The following NDST3 variants were observed in gnomAD, a reference collection of about 807,000 sequenced individuals.
The protein encoded by NDST3 is N-deacetylase and N-sulfotransferase 3.
In NDST3, 58 loss-of-function variants were observed where a neutral mutation model predicts 96.1. The observed-to-expected ratio is 0.60, with a 90% CI of 0.49 to 0.75. NDST3 has a LOEUF of 0.75. Ranked by LOEUF, NDST3 falls within the 30% of genes least tolerant of loss-of-function variation. NDST3 has a pLI of 0.00. For missense variants in NDST3, 788 were observed against 1,034.2 expected, an observed-to-expected ratio of 0.76 and a Z score of 3.27; for synonymous variants, 333 against 359.7, an observed-to-expected ratio of 0.93 and a Z score of 0.84.
intron 6 of NDST3, among the ~76,000 whole-genome samples, chr4:118,169,224 T>C (rs2125934988): frequency 6.6e-6 from 1 of 152,276 alleles, no homozygotes; most frequent in African/African-American, 2.4e-5. Flanking sequence ...CACTGATATA[T>C]TCTATAAAAC....
intron 6 of NDST3, among the ~76,000 whole-genome samples, chr4:118,160,130 C>T (rs187019427): frequency 1.2e-4 from 18 of 152,020 alleles, no homozygotes; most frequent in Non-Finnish European, 2.4e-4. Flanking sequence ...AATAAAAATG[C>T]CAAAATTCAA....
At chr4:118,048,344 A>G (rs1040091467) in intron 1 of NDST3, among the ~76,000 whole-genome samples, 1 of 152,160 alleles carries the variant, frequency 6.6e-6, no homozygotes, top group African/African-American at 2.4e-5. Context: ...ACCAGCTAAC[A>G]ACATGATGAC....
chr4:118,197,158 C>T (rs970910785), intron 6 of NDST3, among the ~76,000 whole-genome samples: 1 of 151,408 alleles, frequency 6.6e-6, no homozygotes, highest in Non-Finnish European at 1.5e-5. Flanking sequence ...TTCAAAATTC[C>T]TCTTGTTATT....
At chr4:118,148,297 C>T (rs1211024450) in intron 6 of NDST3, among the ~76,000 whole-genome samples, 1 of 151,694 alleles carries the variant, frequency 6.6e-6, no homozygotes, top group East Asian at 1.9e-4. Context: ...GACTCTGTCT[C>T]AAAAAAAATG....
chr4:118,249,886 T>C (rs552301436), intron 12 of NDST3, among the ~76,000 whole-genome samples: 8 of 152,266 alleles, frequency 5.3e-5, no homozygotes, highest in Non-Finnish European at 1.0e-4. Context: ...AATCAAGATA[T>C]AGAACAAAAA....
At chr4:118,168,578 A>C (rs905387417) in intron 6 of NDST3, among the ~76,000 whole-genome samples, 2 of 152,116 alleles carry the variant, frequency 1.3e-5, no homozygotes, top group Non-Finnish European at 2.9e-5. Flanking sequence ...TCCTCAAAAA[A>C]TTAAAAATAG....
intron 6 of NDST3, among the ~76,000 whole-genome samples, chr4:118,170,754 G>C (rs1265435474): frequency 6.6e-6 from 1 of 152,076 alleles, no homozygotes; most frequent in Non-Finnish European, 1.5e-5. Flanking sequence ...GAAAAAATAA[G>C]TGTGGTGAAC....
At chr4:118,230,544 T>C (rs933476364) in intron 8 of NDST3, among the ~76,000 whole-genome samples, 7 of 150,710 alleles carry the variant, frequency 4.6e-5, no homozygotes, top group East Asian at 3.9e-4. Flanking sequence ...CGCTGCACTC[T>C]AGCCTGGGCA....
chr4:118,108,787 TTAAGAA>T (rs1272869623), intron 3 of NDST3, among the ~76,000 whole-genome samples: 1 of 152,178 alleles, frequency 6.6e-6, no homozygotes, highest in Non-Finnish European at 1.5e-5. Flanking sequence ...TGTGTAGGAT[TTAAGAA>T]TAACTTTAAC....
chr4:118,081,156 G>A (rs565548510), intron 2 of NDST3, among the ~76,000 whole-genome samples: 15 of 152,270 alleles, frequency 9.9e-5, no homozygotes, highest in African/African-American at 3.6e-4. Context: ...TTTGTGATGT[G>A]AACAGGGTCA....
At chr4:118,189,999 A>C (rs1033349069) in intron 6 of NDST3, among the ~76,000 whole-genome samples, 2 of 152,066 alleles carry the variant, frequency 1.3e-5, no homozygotes, top group Admixed American at 6.5e-5. Context: ...TTCAATTTGA[A>C]ATGTTTAAAT....
At chr4:118,183,592 C>T (rs1170332435) in intron 6 of NDST3, among the ~76,000 whole-genome samples, 3 of 152,080 alleles carry the variant, frequency 2.0e-5, no homozygotes, top group African/African-American at 7.2e-5. Flanking sequence ...ACTAGTTTTC[C>T]TCTCAAGAAC....
At chr4:118,117,190 G>T (rs1731199866) in intron 4 of NDST3, among the ~76,000 whole-genome samples, 1 of 152,100 alleles carries the variant, frequency 6.6e-6, no homozygotes, top group African/African-American at 2.4e-5. Context: ...CAAGAGGATA[G>T]ATATGAAAAA....
chr4:118,118,778 G>T (rs1265521424), intron 4 of NDST3, among the ~76,000 whole-genome samples: 2 of 152,018 alleles, frequency 1.3e-5, no homozygotes, highest in East Asian at 3.9e-4. Flanking sequence ...CTGAGACAAA[G>T]ATTAAATGTA....
At chr4:118,113,049 G>A (rs1340002105) in intron 3 of NDST3, among the ~76,000 whole-genome samples, 1 of 152,062 alleles carries the variant, frequency 6.6e-6, no homozygotes, top group Non-Finnish European at 1.5e-5. Context: ...AACAGAAGTA[G>A]GAAATACAGG....
intron 9 of NDST3, 52 bp from the exon 10 acceptor site, chr4:118,236,994 C>T (rs1176641820): frequency 7.4e-7 from 1 of 1,356,866 alleles, no homozygotes. Flanking sequence ...CTTTGGTCAC[C>T]AGAATGAGTA....
intron 1 of NDST3, among the ~76,000 whole-genome samples, chr4:118,044,852 T>A (rs1224160000): frequency 6.6e-6 from 1 of 152,140 alleles, no homozygotes. Flanking sequence ...CCAAACTTGC[T>A]TTTATGACAC....
chr4:118,247,552 A>T (rs1027707645), intron 12 of NDST3, among the ~76,000 whole-genome samples: 3 of 150,006 alleles, frequency 2.0e-5, no homozygotes, highest in Non-Finnish European at 3.0e-5. Flanking sequence ...AACTCTGTCT[A>T]AAAAAAAAGA....
chr4:118,178,339 CTCCTGCCCCGAA>C (rs980487400), intron 6 of NDST3, among the ~76,000 whole-genome samples: 32 of 152,102 alleles, frequency 2.1e-4, no homozygotes, highest in African/African-American at 6.7e-4. Context: ...TTCCGTATTC[CTCCTGCCCCGAA>C]TCCTTAGCAA....
Sources: gnomAD v4.1 joint callset for allele counts (sites outside exome capture counted in the v4.1 genomes callset) on GRCh38, gnomAD v4.1.1 for gene constraint, MANE v1.5 for transcripts, NCBI Gene and HGNC (gene_info 2026-07-23, HGNC 2026-07-21) for gene names.